Variants in CGGBP1 observed in about 807,000 individuals in gnomAD.
CGGBP1 encodes CGG triplet repeat binding protein 1, also known as CGG triplet repeat-binding protein 1.
In CGGBP1, 4 loss-of-function variants were observed where a neutral mutation model predicts 11.4. That is an observed-to-expected ratio of 0.35 (90% CI 0.17 to 0.80). The LOEUF is 0.80. CGGBP1 is among the 30% of genes least tolerant of loss of function. The pLI is 0.52. For synonymous variants in CGGBP1, 76 were observed against 74.1 expected, an observed-to-expected ratio of 1.03 and a Z score of -0.13; for missense variants, 135 against 202.1, an observed-to-expected ratio of 0.67 and a Z score of 2.01.
upstream of CGGBP1, among the ~76,000 whole-genome samples, chr3:88,059,770 G>A (rs1454151638): frequency 6.6e-6 from 1 of 152,066 alleles, no homozygotes; most frequent in African/African-American, 2.4e-5. Context: ...TCGGCTGTCC[G>A]GAAAGCTCTG....
chr3:88,055,411 C>A lies in CGGBP1; in HGVS notation c.*62G>T. On this transcript the variant is annotated 3_prime_UTR_variant, in exon 4 of 4. Transcript: ENST00000482016. The surrounding 1 kb of genome is among the most constrained non-coding windows in gnomAD (Gnocchi z 4.2). ...GAAATAAATACAAAAATGAACCACA[C>A]AATCAACACATAACTTTAATACTCC... 1.5e-6 allele frequency: 2 copies of A among 1,367,222 alleles called. No individual in the cohort carries two copies. The highest frequency in any genetic ancestry group is 1.7e-5 in the South Asian group (1 of 58,622). 84.7% of individuals were successfully genotyped at this position (1,367,222 alleles called of 1,614,324 possible).
At chr3:88,111,556 A>G (rs1705090515) in intron 2 of CGGBP1, among the ~76,000 whole-genome samples, 1 of 151,932 alleles carries the variant, frequency 6.6e-6, no homozygotes, top group South Asian at 2.1e-4. Flanking sequence ...TTTGTATTAT[A>G]TTTCATTGTA....
At chr3:88,148,095 C>T (rs187505603) in intron 1 of CGGBP1, among the ~76,000 whole-genome samples, 14 of 152,304 alleles carry the variant, frequency 9.2e-5, no homozygotes, top group Non-Finnish European at 1.8e-4. Context: ...GCTTCTCCTG[C>T]GGCTCACTCA....
intron 1 of CGGBP1, among the ~76,000 whole-genome samples, chr3:88,145,261 A>T (rs565288674): frequency 1.3e-5 from 2 of 152,146 alleles, no homozygotes; most frequent in Non-Finnish European, 2.9e-5. Context: ...TATAACTTGC[A>T]ATTGGAAAAA....
At chr3:88,107,182 C>T (rs1306375340) in intron 2 of CGGBP1, among the ~76,000 whole-genome samples, 1 of 152,132 alleles carries the variant, frequency 6.6e-6, no homozygotes, top group Non-Finnish European at 1.5e-5. Flanking sequence ...GAGGTATACA[C>T]TTTATATACT....
chr3:88,101,795 G>A (rs557863197), intron 2 of CGGBP1, among the ~76,000 whole-genome samples: 1 of 152,212 alleles, frequency 6.6e-6, no homozygotes, highest in South Asian at 2.1e-4. Flanking sequence ...TCTTATGGGG[G>A]TAGCAGTTTC....
At chr3:88,113,955 G>A (rs1705243650) in intron 2 of CGGBP1, among the ~76,000 whole-genome samples, 1 of 152,010 alleles carries the variant, frequency 6.6e-6, no homozygotes, top group Non-Finnish European at 1.5e-5. Flanking sequence ...TGTTTTCATG[G>A]AACTTATGTT....
intron 2 of CGGBP1, chr3:88,139,386 G>A: frequency 6.2e-7 from 1 of 1,613,666 alleles, no homozygotes. Context: ...AGGCAGTTTT[G>A]CATGTGTAAT....
chr3:88,129,415 T>C (rs1224067299), intron 2 of CGGBP1, among the ~76,000 whole-genome samples: 1 of 151,884 alleles, frequency 6.6e-6, no homozygotes, highest in African/African-American at 2.4e-5. Flanking sequence ...TTATTTTGTT[T>C]CTTAAGGTGA....
intron 2 of CGGBP1, among the ~76,000 whole-genome samples, chr3:88,126,616 A>T (rs1706120747): frequency 7.8e-6 from 1 of 128,472 alleles, no homozygotes; most frequent in South Asian, 2.6e-4. Flanking sequence ...AGAAACAAAA[A>T]GTCTGCTTTT....
At chr3:88,134,929 G>A in intron 2 of CGGBP1, 1 of 507,134 alleles carries the variant, frequency 2.0e-6, no homozygotes. Context: ...GAAGTAGTTT[G>A]GGGGTGAACG....
At chr3:88,068,014 A>T (rs1350792809) in intron 2 of CGGBP1, among the ~76,000 whole-genome samples, 10 of 152,112 alleles carry the variant, frequency 6.6e-5, no homozygotes, top group African/African-American at 2.4e-4. Context: ...CCTGAAGGGG[A>T]GTAAGGACAA....
chr3:88,077,514 T>TA (rs1169221697), intron 2 of CGGBP1, among the ~76,000 whole-genome samples: 2 of 151,364 alleles, frequency 1.3e-5, no homozygotes, highest in East Asian at 3.9e-4. Flanking sequence ...TTGTGATTTT[T>TA]TTAGTAGAGA....
chr3:88,108,132 G>T (rs953595983), intron 2 of CGGBP1, among the ~76,000 whole-genome samples: 1 of 151,908 alleles, frequency 6.6e-6, no homozygotes, highest in African/African-American at 2.4e-5. Flanking sequence ...TAAATTCTTG[G>T]CTTGAGAATT....
chr3:88,075,800 T>G (rs1258486028), intron 2 of CGGBP1, among the ~76,000 whole-genome samples: 2 of 152,184 alleles, frequency 1.3e-5, no homozygotes, highest in Admixed American at 1.3e-4. Flanking sequence ...TCTCTTGTAG[T>G]GTCTTCCGTA....
chr3:88,095,890 G>A, intron 2 of CGGBP1: 1 of 431,280 alleles, frequency 2.3e-6, no homozygotes, highest in Non-Finnish European at 4.4e-6. Flanking sequence ...TTAACCACAT[G>A]CCTGTCTAGC....
chr3:88,057,246 G>A lies in CGGBP1; in HGVS notation c.-79C>T, dbSNP rs1454550260. The A allele has an allele frequency of 6.6e-6, 1 of 152,020 alleles. No homozygotes were observed. The highest frequency in any genetic ancestry group is 1.5e-5 in the Non-Finnish European group (1 of 68,016). The allele number at this position is 152,020 out of a possible 1,614,324, so 9.4% of individuals were successfully genotyped here. A position where few individuals can be genotyped will look rare whatever the true frequency, so the allele number is the denominator to read the frequency against. On this transcript the variant is annotated 5_prime_UTR_variant, in exon 3 of 4. It adds an upstream start codon to the 5' untranslated region. Transcript: ENST00000482016. ...TTCAAAAGGACTTTAAATTGCCAAC[G>A]TATCAGACAGTCATGGATCCAGAAG...
chr3:88,131,424 C>G (rs890619220), intron 2 of CGGBP1, among the ~76,000 whole-genome samples: 3 of 152,120 alleles, frequency 2.0e-5, no homozygotes, highest in African/African-American at 7.2e-5. Flanking sequence ...TAGAAATGTT[C>G]TCTGCCCTGA....
At chr3:88,131,365 G>T (rs796196103) in intron 2 of CGGBP1, among the ~76,000 whole-genome samples, 11 of 152,220 alleles carry the variant, frequency 7.2e-5, no homozygotes, top group African/African-American at 2.6e-4. Context: ...TGGTTATTTG[G>T]AAACTGAAAA....
Sources: gnomAD v4.1 joint callset for allele counts (sites outside exome capture counted in the v4.1 genomes callset) on GRCh38, gnomAD v4.1.1 for gene constraint, Gnocchi (gnomAD v3.1) non-coding constraint, MANE v1.5 for transcripts, NCBI Gene and HGNC (gene_info 2026-07-23, HGNC 2026-07-21) for gene names.